SMAP2: variants seen among roughly 807,000 people sequenced by gnomAD.
SMAP2 encodes the protein stromal membrane-associated protein 2.
SMAP2 carries 25 observed loss-of-function variants against 56.4 expected under a neutral mutation model. The ratio of observed to expected loss-of-function variants is 0.44; its 90% confidence interval spans 0.32 to 0.62. The LOEUF is 0.62. Ranked by LOEUF, SMAP2 falls within the 20% of genes least tolerant of loss-of-function variation. The pLI is 0.04. For missense variants in SMAP2, 388 were observed against 545.6 expected (o/e 0.71, Z 2.88); for synonymous variants, 157 against 181.7 (o/e 0.86, Z 1.09).
intron 9 of SMAP2, among the ~76,000 whole-genome samples, chr1:40,421,212 A>T (rs1645038391): frequency 6.6e-6 from 1 of 152,190 alleles, no homozygotes; most frequent in African/African-American, 2.4e-5. Flanking sequence ...AATTTACTTT[A>T]AAAGTTGGTA....
intron 1 of SMAP2, among the ~76,000 whole-genome samples, chr1:40,395,705 T>C (rs1399400530): frequency 6.6e-6 from 1 of 152,204 alleles, no homozygotes; most frequent in Non-Finnish European, 1.5e-5. Flanking sequence ...GTGCTGTAAT[T>C]TAGATAATTC....
intron 9 of SMAP2, 24 bp downstream of exon 9, chr1:40,417,120 A>G (rs1644996627): frequency 3.2e-6 from 5 of 1,568,234 alleles, no homozygotes; most frequent in Non-Finnish European, 4.4e-6. Flanking sequence ...TTTTACTTGC[A>G]GCAAGAGTTT....
intron 1 of SMAP2, among the ~76,000 whole-genome samples, chr1:40,361,396 A>C (rs1415038539): frequency 6.6e-6 from 1 of 152,154 alleles, no homozygotes; most frequent in Non-Finnish European, 1.5e-5. Flanking sequence ...GTGCTGGCTT[A>C]ATGTGTGACC....
At chr1:40,410,143 G>A (rs1644920937) in intron 4 of SMAP2, among the ~76,000 whole-genome samples, 1 of 152,118 alleles carries the variant, frequency 6.6e-6, no homozygotes. Context: ...CTACTTGGGA[G>A]GCTGAGGTCG....
rs553552263 is a variant in SMAP2, at chr1:40,384,332, G to A, written c.103+10109G>A. On this transcript the variant is annotated intron_variant, in intron 1 of 9. Coordinates refer to ENST00000372718, the MANE Select transcript of SMAP2 (RefSeq NM_022733.3). The stretch of plus-strand genomic sequence containing the variant: ...ACAACTTCAGATAAGTTTGCACTGG[G>A]TGAGGGAGGCAAGATCACTGGGTCT... 3.3e-5 allele frequency among the ~76,000 whole-genome samples: 5 copies of A among 152,306 alleles called. 1 individual carries two copies. The highest frequency in any genetic ancestry group is 7.3e-5 in the Non-Finnish European group (5 of 68,028).
chr1:40,355,355 T>C (rs1432698964), intron 1 of SMAP2, among the ~76,000 whole-genome samples: 1 of 152,188 alleles, frequency 6.6e-6, no homozygotes, highest in Non-Finnish European at 1.5e-5. Context: ...TATTCCTCGT[T>C]ATCACTATAC....
At chr1:40,351,627 C>T (rs1347182769) in intron 1 of SMAP2, among the ~76,000 whole-genome samples, 2 of 152,078 alleles carry the variant, frequency 1.3e-5, no homozygotes, top group South Asian at 2.1e-4. Flanking sequence ...CCTCAGCCTC[C>T]GGAGTAGCTG....
At chr1:40,360,353 G>A (rs1480697609) in intron 1 of SMAP2, among the ~76,000 whole-genome samples, 1 of 149,520 alleles carries the variant, frequency 6.7e-6, no homozygotes. Context: ...GCCCAGGCTG[G>A]AGTGCAGTGG....
intron 9 of SMAP2, 147 bp from the exon 10 acceptor site, chr1:40,421,829 T>C (rs976544335): frequency 2.3e-4 from 195 of 856,192 alleles, no homozygotes; most frequent in Admixed American, 3.1e-4. Flanking sequence ...ATCTGACTGC[T>C]AAGGTCCAGG....
At chr1:40,420,571 T>G (rs1345564739) in intron 9 of SMAP2, among the ~76,000 whole-genome samples, 2 of 152,186 alleles carry the variant, frequency 1.3e-5, no homozygotes, top group Admixed American at 1.3e-4. Context: ...TGCAAAGAAA[T>G]GCCCTTCAGA....
chr1:40,350,379 G>A (rs1644404937), intron 1 of SMAP2, among the ~76,000 whole-genome samples: 1 of 152,198 alleles, frequency 6.6e-6, no homozygotes, highest in African/African-American at 2.4e-5. Context: ...CGTGCACGAG[G>A]AAGAGTGCAA....
intron 1 of SMAP2, among the ~76,000 whole-genome samples, chr1:40,406,369 TG>T (rs1183139136): frequency 1.3e-5 from 2 of 152,224 alleles, no homozygotes; most frequent in Non-Finnish European, 2.9e-5. Flanking sequence ...TGCCCAGAAT[TG>T]GCAATCCATA....
chr1:40,390,872 G>A (rs996600749), intron 1 of SMAP2, among the ~76,000 whole-genome samples: 1 of 152,170 alleles, frequency 6.6e-6, no homozygotes, highest in African/African-American at 2.4e-5. Flanking sequence ...CTCTAAACGT[G>A]TATCTGTTTG....
chr1:40,393,501 G>A (rs2124283713), intron 1 of SMAP2: 1 of 1,518,024 alleles, frequency 6.6e-7, no homozygotes, highest in Non-Finnish European at 8.8e-7. Flanking sequence ...ATTTGTGAGA[G>A]ACTGTAAGTT....
chr1:40,404,420 G>T (rs1490266611), intron 1 of SMAP2, among the ~76,000 whole-genome samples: 1 of 152,192 alleles, frequency 6.6e-6, no homozygotes, highest in African/African-American at 2.4e-5. Flanking sequence ...TGGCTTCAGA[G>T]TCACCCCAAG....
chr1:40,375,938 T>G (rs1218453127), intron 1 of SMAP2: 1 of 202,036 alleles, frequency 4.9e-6, no homozygotes, highest in African/African-American at 2.4e-5. Flanking sequence ...TTCCATTGCT[T>G]TTTATTTATT....
At chr1:40,389,543 G>C (rs181386773) in intron 1 of SMAP2, among the ~76,000 whole-genome samples, 16 of 152,320 alleles carry the variant, frequency 1.1e-4, no homozygotes, top group African/African-American at 3.8e-4. Context: ...AAGCTGAGCA[G>C]GTGAATCTCA....
chr1:40,356,296 G>C (rs1027558463), intron 1 of SMAP2, among the ~76,000 whole-genome samples: 12 of 152,304 alleles, frequency 7.9e-5, no homozygotes, highest in African/African-American at 2.6e-4. Context: ...AAACAGGACA[G>C]TGCAGATATC....
intron 9 of SMAP2, 43 bp downstream of exon 9, chr1:40,417,139 C>T (rs934497525): frequency 1.4e-5 from 21 of 1,495,924 alleles, no homozygotes; most frequent in Non-Finnish European, 1.8e-5. Context: ...TTTGAGCCTT[C>T]CTCAAGTTTT....
Sources: gnomAD v4.1 joint callset for allele counts (sites outside exome capture counted in the v4.1 genomes callset) on GRCh38, gnomAD v4.1.1 for gene constraint, MANE v1.5 for transcripts, NCBI Gene and HGNC (gene_info 2026-07-23, HGNC 2026-07-21) for gene names.